TMEM132C: variants seen among roughly 807,000 people sequenced by gnomAD.
TMEM132C encodes protein phosphatase 1, regulatory subunit 152.
TMEM132C carries 29 observed loss-of-function variants against 61.4 expected under a neutral mutation model. The ratio of observed to expected loss-of-function variants is 0.47; its 90% CI spans 0.35 to 0.64. The LOEUF (loss-of-function observed/expected upper bound fraction) is 0.64. TMEM132C is among the 30% of genes least tolerant of loss of function. The pLI, the probability that TMEM132C is intolerant of heterozygous loss-of-function variation, is 0.00. For missense variants in TMEM132C, 1,408 were observed against 1,476.9 expected, an observed-to-expected ratio of 0.95 and a Z score of 0.76; for synonymous variants, 656 against 633.1, an observed-to-expected ratio of 1.04 and a Z score of -0.54.
At chr12:128,652,674 C>A (rs909208344) in intron 4 of TMEM132C, among the ~76,000 whole-genome samples, 2 of 152,248 alleles carry the variant, frequency 1.3e-5, no homozygotes, top group Non-Finnish European at 2.9e-5. Context: ...CACTTCCCAG[C>A]CCCTGACCCG....
chr12:128,428,680 G>A (rs192314327), intron 2 of TMEM132C, among the ~76,000 whole-genome samples: 3 of 152,174 alleles, frequency 2.0e-5, no homozygotes, highest in Admixed American at 6.5e-5. Context: ...TTCATGTCAC[G>A]TGCAGGAAGT....
At chr12:128,593,321 C>G (rs1163805339) in intron 3 of TMEM132C, among the ~76,000 whole-genome samples, 1 of 151,252 alleles carries the variant, frequency 6.6e-6, no homozygotes, top group Non-Finnish European at 1.5e-5. Flanking sequence ...TCCCTCTTCC[C>G]TCTCTCCTCT....
chr12:128,672,373 G>A (rs913491313), intron 5 of TMEM132C, among the ~76,000 whole-genome samples: 2 of 152,038 alleles, frequency 1.3e-5, no homozygotes, highest in African/African-American at 4.8e-5. Context: ...AACTTTTCTA[G>A]AGGTAAATAA....
intron 8 of TMEM132C, among the ~76,000 whole-genome samples, chr12:128,697,698 T>C (rs1487241132): frequency 1.3e-5 from 2 of 152,178 alleles, no homozygotes; most frequent in African/African-American, 4.8e-5. Context: ...ATAAATCACA[T>C]CATGCCTTTT....
At position 128,443,947 on chromosome 12, in the gene TMEM132C, G is replaced by T. The variant is rs114057572; in HGVS notation, c.974+28327G>T. ...GAACTCACCTTTTTTTGTAAAGCTG[G>T]AATCTCACTGTTTCACCCAGGCTGC... On this transcript the variant is annotated intron_variant, in intron 2 of 8. Coordinates refer to ENST00000435159, the MANE Select transcript of TMEM132C (RefSeq NM_001136103.3). Among the ~76,000 whole-genome samples the T allele has an allele frequency of 3.5e-3, 534 of 152,220 alleles. 1 individual carries two copies. The highest frequency in any genetic ancestry group is 0.013 in the African/African-American group (520 of 41,528).
chr12:128,520,357 C>T (rs7307952), intron 2 of TMEM132C, among the ~76,000 whole-genome samples: 141,152 of 152,262 alleles, frequency 0.93, 66,323 homozygotes, highest in East Asian at 1. Flanking sequence ...CTACCCAGGA[C>T]AAAGATTGTG....
intron 4 of TMEM132C, among the ~76,000 whole-genome samples, chr12:128,623,704 A>G (rs1412833210): frequency 6.6e-6 from 1 of 152,092 alleles, no homozygotes; most frequent in Non-Finnish European, 1.5e-5. Context: ...GCTACTCGGG[A>G]GGCTGAGACA....
At chr12:128,304,272 G>A (rs911140318) in intron 1 of TMEM132C, among the ~76,000 whole-genome samples, 1 of 152,074 alleles carries the variant, frequency 6.6e-6, no homozygotes, top group Non-Finnish European at 1.5e-5. Context: ...ATTTGTGTGT[G>A]CATCAGATAG....
chr12:128,573,771 G>A (rs535165463), intron 3 of TMEM132C, among the ~76,000 whole-genome samples: 234 of 152,172 alleles, frequency 1.5e-3, no homozygotes, highest in Admixed American at 2.2e-3. Context: ...AGTTCTTGAG[G>A]CAGATGGTGG....
At chr12:128,539,404 C>G (rs1873650788) in intron 2 of TMEM132C, among the ~76,000 whole-genome samples, 1 of 152,170 alleles carries the variant, frequency 6.6e-6, no homozygotes, top group African/African-American at 2.4e-5. Context: ...ATCACAAGGT[C>G]AAGAAATCGA....
At chr12:128,305,782 A>G (rs979557015) in intron 1 of TMEM132C, among the ~76,000 whole-genome samples, 4 of 152,178 alleles carry the variant, frequency 2.6e-5, no homozygotes, top group Non-Finnish European at 4.4e-5. Flanking sequence ...CACTAGCTTT[A>G]TCTGCGTCTG....
In TMEM132C at chr12:128,630,804, G is replaced by A. The variant is rs556584040; in HGVS notation, c.1305+14469G>A. Among the ~76,000 whole-genome samples the A allele has an allele frequency of 2.1e-3, 315 of 152,320 alleles. No homozygotes were observed. Among genetic ancestry groups the A allele is most frequent in the South Asian group, 0.016 (75 of 4,826 alleles). On this transcript the variant is annotated intron_variant, in intron 4 of 8. Coordinates refer to ENST00000435159, the MANE Select transcript of TMEM132C (RefSeq NM_001136103.3). This position sits in a 1 kb window ranked among gnomAD's most constrained non-coding sequence, Gnocchi z 4.3. ...AATCCCAGCACTTTGGGAGGCCGAG[G>A]CAGGCAGATCACAAGGTCAGGAAAT...
chr12:128,665,490 G>C (rs188736217), intron 4 of TMEM132C, among the ~76,000 whole-genome samples: 18 of 125,644 alleles, frequency 1.4e-4, no homozygotes, highest in African/African-American at 5.5e-4. Flanking sequence ...CACACACACA[G>C]AGGCACAGGT....
chr12:128,528,262 A>G (rs979435496), intron 2 of TMEM132C, among the ~76,000 whole-genome samples: 7 of 152,140 alleles, frequency 4.6e-5, no homozygotes, highest in Admixed American at 2.0e-4. Flanking sequence ...GCCCTCACGC[A>G]TTGTGGGCTT....
intron 5 of TMEM132C, among the ~76,000 whole-genome samples, chr12:128,683,970 T>TAAATAAA (rs1954654755): frequency 6.8e-6 from 1 of 147,470 alleles, no homozygotes; most frequent in African/African-American, 2.5e-5. Flanking sequence ...CTGTTTGAAA[T>TAAATAAA]TAAATAAATA....
Position 128,415,606 on chromosome 12 carries a change from C to T in TMEM132C, c.960C>T (p.Asp320=). ...YVTISSNSSV[D]LFILRAKVKK... is the part of the protein sequence containing the mutation. ...CCATCTCGAGCAATTCCTCTGTGGA[C>T]CTCTTCATCTTGAGGTAGGTGCCCA... The change falls in exon 2 of 9, where the codon GAC becomes GAT. Residue 320 remains aspartate, a synonymous_variant. Transcript: ENST00000435159. This position sits in a 1 kb window ranked among gnomAD's most constrained non-coding sequence, Gnocchi z 5.8. The T allele has an allele frequency of 1.3e-6, 2 of 1,531,864 alleles. No individual in the cohort carries two copies. Among genetic ancestry groups the T allele is most frequent in the African/African-American group, 2.7e-5 (2 of 72,818 alleles). The allele number at this position is 1,531,864 out of a possible 1,614,324, so 94.9% of individuals were successfully genotyped here.
Position 128,411,824 on chromosome 12 carries a change from G to A in TMEM132C, c.86-2908G>A, listed in dbSNP as rs547495165. On this transcript the variant is annotated intron_variant, in intron 1 of 8. Coordinates refer to ENST00000435159, the MANE Select transcript of TMEM132C (RefSeq NM_001136103.3). ...ATCTGAATATATATATTATAAACTG[G>A]AGTTTATATATACCAATCCCATTCT... Among the ~76,000 whole-genome samples the A allele has an allele frequency of 6.6e-5, 10 of 152,164 alleles. 1 individual carries two copies. The South Asian group carries it at 2.1e-3, about 32-fold the overall frequency.
intron 1 of TMEM132C, among the ~76,000 whole-genome samples, chr12:128,290,715 C>G (rs1872538): frequency 0.092 from 13,989 of 152,002 alleles, 783 homozygotes; most frequent in East Asian, 0.2. Flanking sequence ...TCCAAATAAA[C>G]ATAAAAATCC....
chr12:128,662,691 A>C (rs1283902711), intron 4 of TMEM132C, among the ~76,000 whole-genome samples: 11 of 152,196 alleles, frequency 7.2e-5, no homozygotes. Flanking sequence ...GGTAGCGGTG[A>C]GAATAGTAGC....
Sources: allele counts gnomAD v4.1 joint callset (sites outside exome capture counted in the v4.1 genomes callset), GRCh38; gene constraint gnomAD v4.1.1; non-coding constraint Gnocchi (gnomAD v3.1); transcripts MANE v1.5; gene names NCBI Gene and HGNC (gene_info 2026-07-23, HGNC 2026-07-21).